The following LCOR variants were observed in gnomAD, a reference collection of about 807,000 sequenced individuals.
The protein encoded by LCOR is ligand dependent nuclear receptor corepressor.
Under a neutral mutation model 64.4 loss-of-function variants are expected in LCOR, and 14 were observed. The ratio of observed to expected loss-of-function variants is 0.22; its 90% confidence interval spans 0.14 to 0.34. The LOEUF is 0.34. Among genes scored for constraint, LCOR ranks in the 10% least tolerant of loss-of-function variants. The probability of loss-of-function intolerance (pLI) is 1.00; values close to 1 mark genes in which losing one functional copy is unlikely to be tolerated. For missense variants in LCOR, 1,686 were observed against 1,765.3 expected (o/e 0.96, Z 0.80); for synonymous variants, 643 against 642.5 (o/e 1.00, Z -0.01).
At position 96,988,376 on chromosome 10, in the gene LCOR, C is replaced by G. The variant is rs1315359699; in HGVS notation, c.*3242C>G. On this transcript the variant is annotated 3_prime_UTR_variant, in exon 8 of 8. Transcript: ENST00000421806. ...GTTAAAGACTTCTGTGCAGCCTTAT[C>G]TAAAATGATAATCTTAGGCTGTGAG... The G allele has an allele frequency of 2.0e-5, 3 of 152,214 alleles. No homozygotes were observed. Among genetic ancestry groups the G allele is most frequent in the African/African-American group, 7.2e-5 (3 of 41,460 alleles). The allele number at this position is 152,214 out of a possible 1,614,324, so 9.4% of individuals were successfully genotyped here. A position where few individuals can be genotyped will look rare whatever the true frequency, so the allele number is the denominator to read the frequency against.
chr10:96,959,193 C>T (rs1232135379), intron 7 of LCOR: 1 of 151,602 alleles, frequency 6.6e-6, no homozygotes, highest in African/African-American at 2.4e-5. Context: ...TGGGGATGTC[C>T]TCACAATGTG....
At position 96,992,564 on chromosome 10, in the gene LCOR, C is replaced by T. The variant is rs1357025757; in HGVS notation, c.*7430C>T. The T allele has an allele frequency of 1.3e-5, 2 of 152,278 alleles. No homozygotes were observed. The highest frequency in any genetic ancestry group is 4.8e-5 in the African/African-American group (2 of 41,466). 9.4% of individuals were successfully genotyped at this position (152,278 alleles called of 1,614,324 possible). On this transcript the variant is annotated 3_prime_UTR_variant, in exon 8 of 8. Coordinates refer to ENST00000421806, the MANE Select transcript of LCOR (RefSeq NM_001346516.2). ...CCATCATGGGTATGGCTGTGCCAGGCATGGCATCGGGTGTGCCCCATGCAG... is the reference window on the plus strand; with the variant it reads ...CCATCATGGGTATGGCTGTGCCAGGTATGGCATCGGGTGTGCCCCATGCAG...
chr10:96,972,599 A>T (rs1249293022), intron 7 of LCOR, among the ~76,000 whole-genome samples: 3 of 152,204 alleles, frequency 2.0e-5, no homozygotes, highest in African/African-American at 7.2e-5. Flanking sequence ...CTTGATAGTT[A>T]TATTTTTTAT....
chr10:96,857,227 G>A (rs1424642112), intron 2 of LCOR, among the ~76,000 whole-genome samples: 3 of 152,114 alleles, frequency 2.0e-5, no homozygotes, highest in African/African-American at 7.2e-5. Flanking sequence ...CCACAAACAT[G>A]ATTTAAGTAA....
At chr10:96,851,917 T>G (rs1170919447) in intron 2 of LCOR, among the ~76,000 whole-genome samples, 2 of 152,222 alleles carry the variant, frequency 1.3e-5, no homozygotes, top group Non-Finnish European at 2.9e-5. Context: ...TCATATTTTT[T>G]AATGTTAAGT....
In LCOR at chr10:96,949,415, C is replaced by T. The variant is rs1027962735; in HGVS notation, c.238+120C>T. 8 of 921,616 alleles carry T rather than the reference C, an allele frequency of 8.7e-6. No individual in the cohort carries two copies. The African/African-American group carries it at 1.2e-4, about 13-fold the overall frequency. 57.1% of individuals were successfully genotyped at this position (921,616 alleles called of 1,614,324 possible). A position where few individuals can be genotyped will look rare whatever the true frequency, so the allele number is the denominator to read the frequency against. On this transcript the variant is annotated intron_variant, in intron 6 of 7. Coordinates refer to ENST00000421806, the MANE Select transcript of LCOR (RefSeq NM_001346516.2). ...TAATAGCATAAAAACTAATGTGATT[C>T]TTAAATTATTTCTTACTATGCAGTG...
chr10:96,981,917 A>C lies in LCOR; in HGVS notation c.1457A>C (p.Asn486Thr). The change falls in exon 8 of 8, where the codon AAT becomes ACT. Residue 486 changes from asparagine to threonine, a missense_variant. Asn to Thr is a moderately conservative substitution (Grantham distance 65, BLOSUM62 0). This residue lies in a region of LCOR where 1,293 missense variants were observed against 1,410.4 expected (regional missense o/e 0.92). Transcript: ENST00000421806. ...CCAATAACAGAATGCCACTTTGAGA[A>C]TCAAAAATCAATATTATCTTCTCGG... ...SQPITECHFE[N>T]QKSILSSRKT... 1 of 1,614,200 alleles carries C rather than the reference A, an allele frequency of 6.2e-7. No individual in the cohort carries two copies. The highest frequency in any genetic ancestry group is 8.5e-7 in the Non-Finnish European group (1 of 1,180,032).
chr10:96,832,337 T>G lies in LCOR; in HGVS notation c.-466T>G. The G allele has an allele frequency of 1.0e-6, 1 of 984,048 alleles. No individual in the cohort carries two copies. The highest frequency in any genetic ancestry group is 1.2e-6 in the Non-Finnish European group (1 of 829,468). 61.0% of individuals were successfully genotyped at this position (984,048 alleles called of 1,614,324 possible). ...GTGTGTAGGCGGCAGCAATGCTCCG[T>G]TGAGAGACGCGGCTTTCGGCAAGAA... is the stretch of plus-strand genomic sequence containing the variant. On this transcript the variant is annotated 5_prime_UTR_variant, in exon 1 of 8. Transcript: ENST00000421806.
intron 4 of LCOR, among the ~76,000 whole-genome samples, chr10:96,912,607 T>TTC (rs1554836477): frequency 6.8e-4 from 96 of 140,388 alleles, no homozygotes; most frequent in African/African-American, 2.5e-3. Flanking sequence ...TTTCTTCCTT[T>TTC]CTTCCTTCCT....
In LCOR at chr10:96,873,569, CACGT is replaced by C. The variant is rs1303707599; in HGVS notation, c.-329-33695_-329-33692del. ...TTTTGTTTTTCGATACACACACACACACGTGTGTGTGTGTGTGTGTGTGTGTGTG... is the reference window on the plus strand; with the variant it reads ...TTTTGTTTTTCGATACACACACACACGTGTGTGTGTGTGTGTGTGTGTGTG... On this transcript the variant is annotated intron_variant, in intron 2 of 7. Transcript: ENST00000421806. Among the ~76,000 whole-genome samples, 771 of 83,388 alleles carry C rather than the reference CACGT, an allele frequency of 9.2e-3. 8 individuals carry two copies. Among genetic ancestry groups the C allele is most frequent in the African/African-American group, 0.033 (691 of 21,240 alleles). The allele number at this position is 83,388 out of a possible 152,430, so 54.7% of individuals were successfully genotyped here.
chr10:96,909,281 C>G (rs1345842372), intron 4 of LCOR, among the ~76,000 whole-genome samples: 1 of 152,196 alleles, frequency 6.6e-6, no homozygotes, highest in Non-Finnish European at 1.5e-5. Context: ...TCAGTACCCT[C>G]CACATTTTAA....
At chr10:96,955,131 A>G (rs769865648) in intron 7 of LCOR, 1 of 1,614,192 alleles carries the variant, frequency 6.2e-7, no homozygotes, top group South Asian at 1.1e-5. Context: ...CCAATTGTCC[A>G]CAGCTGCCAG....
At chr10:96,924,192 G>C (rs1159327335) in intron 4 of LCOR, among the ~76,000 whole-genome samples, 1 of 152,154 alleles carries the variant, frequency 6.6e-6, no homozygotes, top group Non-Finnish European at 1.5e-5. Context: ...GAAAAGTAGG[G>C]CTCCATCTTT....
intron 2 of LCOR, among the ~76,000 whole-genome samples, chr10:96,903,593 C>T (rs76278583): frequency 4.6e-5 from 7 of 152,220 alleles, no homozygotes; most frequent in African/African-American, 9.6e-5. Context: ...ACCCAGGAAC[C>T]GTTTTTTCAT....
intron 2 of LCOR, among the ~76,000 whole-genome samples, chr10:96,878,239 A>G (rs1001213606): frequency 6.8e-6 from 1 of 147,084 alleles, no homozygotes; most frequent in African/African-American, 2.7e-5. Context: ...AATATGGCTT[A>G]GTTTTAGCAA....
chr10:96,888,231 G>C (rs1341581469), intron 2 of LCOR, among the ~76,000 whole-genome samples: 1 of 151,102 alleles, frequency 6.6e-6, no homozygotes, highest in Admixed American at 6.6e-5. Context: ...CAGGCCTGGT[G>C]GTGGCCGCCT....
intron 4 of LCOR, among the ~76,000 whole-genome samples, chr10:96,910,991 T>C (rs1336850397): frequency 1.3e-5 from 2 of 152,068 alleles, no homozygotes; most frequent in Non-Finnish European, 1.5e-5. Flanking sequence ...ATTTTTGAAC[T>C]GCACTTCAGG....
intron 5 of LCOR, among the ~76,000 whole-genome samples, chr10:96,945,133 T>G: frequency 6.6e-6 from 1 of 152,224 alleles, no homozygotes; most frequent in East Asian, 1.9e-4. Flanking sequence ...ATCTTAAATA[T>G]TCTTACTTAA....
At chr10:96,905,892 T>G (rs1158118788) in intron 2 of LCOR, among the ~76,000 whole-genome samples, 2 of 152,158 alleles carry the variant, frequency 1.3e-5, no homozygotes, top group Admixed American at 1.3e-4. Flanking sequence ...AACTAGAGAT[T>G]ACTGAAAATT....
Sources: gnomAD v4.1 joint callset for allele counts (sites outside exome capture counted in the v4.1 genomes callset) on GRCh38, gnomAD v4.1.1 for gene constraint, gnomAD v4.1.1 regional missense constraint, MANE v1.5 for transcripts, NCBI Gene and HGNC (gene_info 2026-07-23, HGNC 2026-07-21) for gene names.